FAM184B: variants seen among roughly 807,000 people sequenced by gnomAD.
The protein encoded by FAM184B is family with sequence similarity 184 member B.
In FAM184B, 111 loss-of-function variants were observed where a neutral mutation model predicts 135.9. The ratio of observed to expected loss-of-function variants is 0.82; its 90% CI spans 0.70 to 0.96. The LOEUF (loss-of-function observed/expected upper bound fraction) is 0.96. FAM184B is among the 40% of genes least tolerant of loss of function. The pLI is 0.00. For synonymous variants in FAM184B, 552 were observed against 524.8 expected, an observed-to-expected ratio of 1.05 and a Z score of -0.71; for missense variants, 1,375 against 1,323.9, an observed-to-expected ratio of 1.04 and a Z score of -0.60.
chr4:17,667,375 G>C (rs905682627), intron 7 of FAM184B, among the ~76,000 whole-genome samples: 1 of 152,198 alleles, frequency 6.6e-6, no homozygotes, highest in Non-Finnish European at 1.5e-5. Flanking sequence ...CCCAAACTTT[G>C]AGTGTTTTCC....
At chr4:17,650,041 A>G (rs1017998166) in intron 11 of FAM184B, among the ~76,000 whole-genome samples, 3 of 147,146 alleles carry the variant, frequency 2.0e-5, no homozygotes, top group African/African-American at 7.6e-5. Context: ...TGTCTGCCCA[A>G]CCATCTGCCC....
intron 10 of FAM184B, among the ~76,000 whole-genome samples, chr4:17,654,475 G>A (rs893663191): frequency 1.3e-5 from 2 of 152,102 alleles, no homozygotes; most frequent in Non-Finnish European, 2.9e-5. Flanking sequence ...GAGCCACCAC[G>A]CCCCAGCACC....
chr4:17,718,119 T>G (rs1577274899), intron 1 of FAM184B, among the ~76,000 whole-genome samples: 1 of 152,224 alleles, frequency 6.6e-6, no homozygotes, highest in South Asian at 2.1e-4. Context: ...ATCCAAGACA[T>G]GCGGAGAGTT....
At position 17,658,028 on chromosome 4, in the gene FAM184B, G is replaced by A. The variant is rs945411152; in HGVS notation, c.2037+322C>T. On this transcript the variant is annotated intron_variant, in intron 10 of 17. Transcript: ENST00000265018. Reference sequence around the variant, plus strand: ...GCAGGACTGAGCCTGACTTCCTGGCGTGTTCATGTACGCCACTGCTCTAGT... The same window carrying A: ...GCAGGACTGAGCCTGACTTCCTGGCATGTTCATGTACGCCACTGCTCTAGT... Among the ~76,000 whole-genome samples the A allele has an allele frequency of 2.6e-5, 4 of 152,108 alleles. No homozygotes were observed. In the East Asian group the frequency reaches 5.8e-4, roughly 22 times the overall value.
At chr4:17,756,052 C>G (rs1391934622) in intron 1 of FAM184B, among the ~76,000 whole-genome samples, 1 of 152,062 alleles carries the variant, frequency 6.6e-6, no homozygotes, top group Non-Finnish European at 1.5e-5. Context: ...CACATGTAGC[C>G]TGGAACTTAA....
intron 8 of FAM184B, among the ~76,000 whole-genome samples, chr4:17,660,639 A>C (rs1257290380): frequency 6.6e-6 from 1 of 151,988 alleles, no homozygotes; most frequent in Non-Finnish European, 1.5e-5. Flanking sequence ...TAAAGCTGCA[A>C]AAGTTTCTGC....
intron 1 of FAM184B, among the ~76,000 whole-genome samples, chr4:17,772,696 T>G (rs897854627): frequency 1.3e-5 from 2 of 152,242 alleles, no homozygotes; most frequent in Admixed American, 1.3e-4. Flanking sequence ...GGTGTGAGTC[T>G]GTTTTGAGAC....
chr4:17,708,937 T>TA lies in FAM184B; in HGVS notation c.848dup (p.Ser284LysfsTer2). 6.5e-7 allele frequency: 1 copy of TA among 1,544,850 alleles called. No individual in the cohort carries two copies. Among genetic ancestry groups the TA allele is most frequent in the Middle Eastern group, 1.7e-4 (1 of 5,956 alleles). On this transcript the variant is annotated frameshift_variant, in exon 2 of 18. Transcript: ENST00000265018. LOFTEE classifies it high-confidence loss of function. ...TCTGGGCGTACTTCTTCAGGTCACT[T>TA]ATCTTGCGGCCTCTGTGCTCCAGGT...
chr4:17,641,392 A>T (rs1291470700), intron 13 of FAM184B, among the ~76,000 whole-genome samples: 1 of 145,862 alleles, frequency 6.9e-6, no homozygotes, highest in Non-Finnish European at 1.5e-5. Context: ...GTTGGATTTG[A>T]TGACACTTTT....
chr4:17,690,632 AG>A (rs1716712160), intron 6 of FAM184B, among the ~76,000 whole-genome samples: 1 of 152,206 alleles, frequency 6.6e-6, no homozygotes, highest in South Asian at 2.1e-4. Context: ...AAGGAATATT[AG>A]AGAAAGAGAT....
Position 17,736,860 on chromosome 4 carries a change from G to A in FAM184B, c.142-27216C>T, listed in dbSNP as rs115754441. On this transcript the variant is annotated intron_variant, in intron 1 of 17. Transcript: ENST00000265018. ...GGTTCAATTATTGAAAGGAAAAAGG[G>A]GAGGCCTAGTGCAGTGGCTCACGCC... is the stretch of plus-strand genomic sequence containing the variant. 9.1e-3 allele frequency among the ~76,000 whole-genome samples: 1,385 copies of A among 152,224 alleles called. 20 individuals carry two copies. The highest frequency in any genetic ancestry group is 0.031 in the African/African-American group (1,283 of 41,526).
At chr4:17,780,676 C>G (rs1719015162) in intron 1 of FAM184B, among the ~76,000 whole-genome samples, 1 of 152,076 alleles carries the variant, frequency 6.6e-6, no homozygotes, top group Non-Finnish European at 1.5e-5. Flanking sequence ...AGTAAGTCCC[C>G]TAGGCTGCAT....
intron 1 of FAM184B, among the ~76,000 whole-genome samples, chr4:17,764,993 G>A (rs976333005): frequency 1.3e-5 from 2 of 152,176 alleles, no homozygotes; most frequent in African/African-American, 4.8e-5. Flanking sequence ...TTGAGCCCAG[G>A]AGGTCAAGCC....
At chr4:17,745,492 A>G (rs1718139793) in intron 1 of FAM184B, among the ~76,000 whole-genome samples, 2 of 152,188 alleles carry the variant, frequency 1.3e-5, no homozygotes, top group Admixed American at 1.3e-4. Flanking sequence ...TGAATGTTCG[A>G]TCTTTGCTCA....
At chr4:17,678,964 T>C (rs1716379526) in intron 7 of FAM184B, among the ~76,000 whole-genome samples, 1 of 152,088 alleles carries the variant, frequency 6.6e-6, no homozygotes, top group Non-Finnish European at 1.5e-5. Context: ...GCTGGGATAA[T>C]TGGCAAGCCA....
intron 16 of FAM184B, among the ~76,000 whole-genome samples, chr4:17,634,302 T>TTTTAAAA (rs1715058934): frequency 1.3e-5 from 2 of 152,240 alleles, no homozygotes; most frequent in Non-Finnish European, 2.9e-5. Context: ...ACAAGTGTAT[T>TTTTAAAA]GTCCTGTGAA....
chr4:17,707,760 C>G lies in FAM184B; in HGVS notation c.919G>C (p.Ala307Pro). Residue 307 changes from alanine (A) to proline (P), a missense_variant, in exon 3 of 18, where the codon GCT becomes CCT. Transcript: ENST00000265018. ...IQDLDVQLKE[A>P]RQENSELKGT... is the part of the protein sequence containing the mutation. ...TTCAACTCTGAATTCTCCTGTCGAG[C>G]CTCCTTAAGCTGCACATCCAGGTCC... 1 of 1,552,004 alleles carries G rather than the reference C, an allele frequency of 6.4e-7. No homozygotes were observed. The highest frequency in any genetic ancestry group is 8.7e-7 in the Non-Finnish European group (1 of 1,147,050).
intron 5 of FAM184B, among the ~76,000 whole-genome samples, 163 bp from the exon 6 acceptor site, chr4:17,693,575 C>T (rs183847318): frequency 7.8e-4 from 119 of 152,232 alleles, no homozygotes; most frequent in Non-Finnish European, 1.4e-3. Context: ...AAAGAAAACA[C>T]GTGTTAACGT....
At chr4:17,660,208 AT>A in intron 8 of FAM184B, 121 bp from the exon 9 acceptor site, 2 of 1,168,072 alleles carry the variant, frequency 1.7e-6, no homozygotes, top group Non-Finnish European at 1.2e-6. Context: ...GTTAGTGGGG[AT>A]TAGAAACATC....
Sources: gnomAD v4.1 joint callset for allele counts (sites outside exome capture counted in the v4.1 genomes callset) on GRCh38, gnomAD v4.1.1 for gene constraint, MANE v1.5 for transcripts, NCBI Gene and HGNC (gene_info 2026-07-23, HGNC 2026-07-21) for gene names.